The following SLC29A1 variants were observed in gnomAD, a reference collection of about 807,000 sequenced individuals.
The protein encoded by SLC29A1 is equilibrative nucleoside transporter 1.
A neutral mutation model predicts 48.3 loss-of-function variants in SLC29A1; 22 were observed. The ratio of observed to expected loss-of-function variants is 0.46; its 90% CI spans 0.33 to 0.65. The LOEUF (loss-of-function observed/expected upper bound fraction) is 0.65, where lower values mean the gene tolerates loss of function less well. SLC29A1 is among the 30% of genes least tolerant of loss of function. The pLI is 0.03. For missense variants in SLC29A1, 491 were observed against 575.3 expected (o/e 0.85, Z 1.50); for synonymous variants, 228 against 231.0 (o/e 0.99, Z 0.12).
chr6:44,220,125 C>T (rs943766222), upstream of SLC29A1, among the ~76,000 whole-genome samples: 1 of 152,098 alleles, frequency 6.6e-6, no homozygotes, highest in East Asian at 1.9e-4. Context: ...AGTACCCACA[C>T]TGTGAACACA....
At chr6:44,231,584 T>A in intron 9 of SLC29A1, 123 bp downstream of exon 9, 2 of 695,966 alleles carry the variant, frequency 2.9e-6, no homozygotes, top group South Asian at 1.7e-5. Context: ...TGGATTCTTT[T>A]GTGTGTGCGT....
intron 1 of SLC29A1, chr6:44,225,823 T>G (rs1777403612): frequency 6.6e-6 from 1 of 152,098 alleles, no homozygotes; most frequent in African/African-American, 2.4e-5. Context: ...GGTCTCATGG[T>G]GCCCAGCTGC....
rs1053640335 is a variant in SLC29A1 at position 44,232,099 on chromosome 6, C to A, written c.966C>A (p.Ser322Arg). The change falls in exon 10 of 13, where the codon AGC (serine) becomes AGA (arginine). Residue 322 changes from serine to arginine, a missense_variant. Coordinates refer to ENST00000371755, the MANE Select transcript of SLC29A1 (RefSeq NM_001372327.1). This position sits in a 1 kb window ranked among gnomAD's most constrained non-coding sequence, Gnocchi z 4.7. Reference sequence around the variant, plus strand: ...TCAAGTCCAGCATCGCAGGCAGCAGCACCTGGGGTGAGGATGCCACAGGTT... The same window carrying A: ...TCAAGTCCAGCATCGCAGGCAGCAGAACCTGGGGTGAGGATGCCACAGGTT... Reference protein sequence around the residue: ...VEVKSSIAGSSTWERYFIPVS... With the variant: ...VEVKSSIAGSRTWERYFIPVS... The A allele has an allele frequency of 6.2e-7, 1 of 1,612,114 alleles. No homozygotes were observed. The highest frequency in any genetic ancestry group is 1.3e-5 in the African/African-American group (1 of 74,988).
At chr6:44,227,474 T>G in intron 2 of SLC29A1, 132 bp downstream of exon 2, 1 of 779,294 alleles carries the variant, frequency 1.3e-6, no homozygotes. Flanking sequence ...CAGGTCTGCA[T>G]CAGGGGTGGG....
chr6:44,228,783 C>T (rs1029755739), intron 2 of SLC29A1, among the ~76,000 whole-genome samples: 2 of 152,232 alleles, frequency 1.3e-5, no homozygotes, highest in Non-Finnish European at 2.9e-5. Context: ...TGGCCCCATA[C>T]CTCCTGGCCT....
rs2153303190 is a variant in SLC29A1 at position 44,231,392 on chromosome 6, A to G, written c.795A>G (p.Glu265=). Residue 265 remains glutamate (E), a synonymous_variant, in exon 9 of 13, where the codon GAA becomes GAG. Coordinates refer to ENST00000371755, the MANE Select transcript of SLC29A1 (RefSeq NM_001372327.1). ...AGGAGCCAAGAGCAGGCAAAGAGGA[A>G]TCTGGAGTTTCAGTCTCCAACTCTC... The part of the protein sequence containing the change: ...KGEEPRAGKE[E]SGVSVSNSQP... The G allele has an allele frequency of 6.2e-7, 1 of 1,603,936 alleles. No individual in the cohort carries two copies. The highest frequency in any genetic ancestry group is 2.2e-5 in the East Asian group (1 of 44,796).
intron 9 of SLC29A1, 68 bp from the exon 10 acceptor site, chr6:44,231,930 C>G: frequency 1.7e-6 from 2 of 1,204,306 alleles, no homozygotes; most frequent in Non-Finnish European, 2.5e-6. Flanking sequence ...GGCCTGGATT[C>G]GTGGTTCTTT....
chr6:44,224,994 G>T (rs973511357), intron 1 of SLC29A1, among the ~76,000 whole-genome samples: 1 of 152,204 alleles, frequency 6.6e-6, no homozygotes, highest in South Asian at 2.1e-4. Context: ...GAGAGCAGGG[G>T]TGTAGCAGGG....
rs1396526514 is a variant in SLC29A1 at position 44,233,581 on chromosome 6, C to T, written c.*53C>T. On this transcript the variant is annotated 3_prime_UTR_variant, in exon 13 of 13. Transcript: ENST00000371755. ...CTCCCTCCCTGTCTGCCTCCTGCCCCTTCCTTCTGCCAGGGGTGATCCTGA... is the reference window on the plus strand; with the variant it reads ...CTCCCTCCCTGTCTGCCTCCTGCCCTTTCCTTCTGCCAGGGGTGATCCTGA... 7.1e-7 allele frequency: 1 copy of T among 1,413,806 alleles called. No individual in the cohort carries two copies. Among genetic ancestry groups the T allele is most frequent in the Non-Finnish European group, 1.0e-6 (1 of 997,792 alleles). The allele number at this position is 1,413,806 out of a possible 1,614,324, so 87.6% of individuals were successfully genotyped here. A position where few individuals can be genotyped will look rare whatever the true frequency, so the allele number is the denominator to read the frequency against.
chr6:44,229,874 C>A lies in SLC29A1; in HGVS notation c.315-33C>A. ...CTTGGCTGAGCCCCAGCTTTGCCCA[C>A]TTGTCTCTGCCACCCTTGGCCTCTC... On this transcript the variant is annotated intron_variant, in intron 4 of 12. Transcript: ENST00000371755. This position sits in a 1 kb window ranked among gnomAD's most constrained non-coding sequence, Gnocchi z 5.1. The A allele has an allele frequency of 6.2e-7, 1 of 1,612,170 alleles. No individual in the cohort carries two copies.
rs1474217248 is a variant in SLC29A1 at position 44,232,388 on chromosome 6, TTGAC to T, written c.1022_1025del (p.Asp341GlyfsTer45). The T allele has an allele frequency of 6.2e-7, 1 of 1,613,900 alleles. No individual in the cohort carries two copies. The highest frequency in any genetic ancestry group is 8.5e-7 in the Non-Finnish European group (1 of 1,179,804). ...TCCTGTTTCTTGACTTTCAATATCT[TTGAC>T]TGGTTGGGCCGGAGCCTCACAGCTG... On this transcript the variant is annotated frameshift_variant, in exon 11 of 13. Coordinates refer to ENST00000371755, the MANE Select transcript of SLC29A1 (RefSeq NM_001372327.1). LOFTEE classifies it high-confidence loss of function. The surrounding 1 kb of genome is among the most constrained non-coding windows in gnomAD (Gnocchi z 4.7).
In SLC29A1 at chr6:44,232,339, C is replaced by T. The variant is rs1355296274; in HGVS notation, c.974-4C>T. 1.9e-6 allele frequency: 3 copies of T among 1,609,256 alleles called. No individual in the cohort carries two copies. Among genetic ancestry groups the T allele is most frequent in the Non-Finnish European group, 1.7e-6 (2 of 1,175,556 alleles). ...GATAACCACCCGTTCATCTCCTCTT[C>T]CAGAACGTTACTTCATTCCTGTGTC... On this transcript the variant is annotated splice_region_variant and splice_polypyrimidine_tract_variant and intron_variant, in intron 10 of 12. Transcript: ENST00000371755. This position sits in a 1 kb window ranked among gnomAD's most constrained non-coding sequence, Gnocchi z 4.7.
At chr6:44,223,483 G>A, upstream of SLC29A1, 1 of 984,788 alleles carries the variant, frequency 1.0e-6, no homozygotes, top group Non-Finnish European at 1.2e-6. This position sits in a 1 kb window ranked among gnomAD's most constrained non-coding sequence, Gnocchi z 5.0. Flanking sequence ...GGGGTGGCAG[G>A]GGTGGGCCGG....
At chr6:44,223,438 C>A, upstream of SLC29A1, 2 of 603,200 alleles carry the variant, frequency 3.3e-6, no homozygotes, top group South Asian at 7.0e-5. This position sits in a 1 kb window ranked among gnomAD's most constrained non-coding sequence, Gnocchi z 5.0. Context: ...CGCAGGGGCT[C>A]GGGGTGGGAG....
At chr6:44,227,238 C>T (rs1387150713) in intron 1 of SLC29A1, 25 bp from the exon 2 acceptor site, 1 of 1,606,736 alleles carries the variant, frequency 6.2e-7, no homozygotes, top group South Asian at 1.1e-5. Flanking sequence ...AAGACAGGGC[C>T]TCACACTGTT....
At chr6:44,224,197 T>C (rs568449599) in intron 1 of SLC29A1, among the ~76,000 whole-genome samples, 1 of 152,118 alleles carries the variant, frequency 6.6e-6, no homozygotes, top group Non-Finnish European at 1.5e-5. Flanking sequence ...GTCCTCGGCT[T>C]TGCTTACCAG....
chr6:44,228,714 T>C (rs148361942), intron 2 of SLC29A1, among the ~76,000 whole-genome samples: 165 of 152,360 alleles, frequency 1.1e-3, no homozygotes, highest in Middle Eastern at 6.8e-3. Context: ...GCTTGGGGCA[T>C]TGCCCTGGCC....
At chr6:44,220,702 G>T (rs1230751238), upstream of SLC29A1, among the ~76,000 whole-genome samples, 1 of 150,874 alleles carries the variant, frequency 6.6e-6, no homozygotes, top group African/African-American at 2.4e-5. Context: ...GCACGTGCCC[G>T]TAATCCCAGC....
chr6:44,224,993 G>A (rs749171707), intron 1 of SLC29A1, among the ~76,000 whole-genome samples: 1 of 152,130 alleles, frequency 6.6e-6, no homozygotes, highest in Non-Finnish European at 1.5e-5. Context: ...AGAGAGCAGG[G>A]GTGTAGCAGG....
Sources: allele counts gnomAD v4.1 joint callset (sites outside exome capture counted in the v4.1 genomes callset), GRCh38; gene constraint gnomAD v4.1.1; non-coding constraint Gnocchi (gnomAD v3.1); transcripts MANE v1.5; gene names NCBI Gene and HGNC (gene_info 2026-07-23, HGNC 2026-07-21).